MRTFB: variants seen among roughly 807,000 people sequenced by gnomAD.
MRTFB encodes the protein myocardin-related transcription factor B.
Under a neutral mutation model 104.2 loss-of-function variants are expected in MRTFB, and 29 were observed. That is an observed-to-expected ratio of 0.28 (90% CI 0.21 to 0.38). The LOEUF (loss-of-function observed/expected upper bound fraction) is 0.38. MRTFB is among the 10% of genes least tolerant of loss of function. MRTFB has a pLI of 1.00. For missense variants in MRTFB, 1,270 were observed against 1,341.6 expected (o/e 0.95, Z 0.83); for synonymous variants, 535 against 519.5 (o/e 1.03, Z -0.41).
At chr16:14,136,068 C>T (rs910583213) in intron 2 of MRTFB, among the ~76,000 whole-genome samples, 3 of 151,960 alleles carry the variant, frequency 2.0e-5, no homozygotes, top group Non-Finnish European at 1.5e-5. Context: ...GTCAGGAGTT[C>T]GAGACAAGCC....
At chr16:14,034,900 G>A in the MRTFB span, among the ~76,000 whole-genome samples, 212 of 152,214 alleles carry the variant, frequency 1.4e-3, 1 homozygote, top group African/African-American at 5.0e-3. Context: ...ACCACCCCAG[G>A]CCTGCAGCCA....
the MRTFB span, among the ~76,000 whole-genome samples, chr16:14,016,285 C>T: frequency 4.0e-5 from 6 of 151,710 alleles, no homozygotes; most frequent in African/African-American, 1.5e-4. Context: ...ACCAATAACA[C>T]CTAGAAGACC....
chr16:14,253,700 G>A lies in MRTFB; in HGVS notation c.2703+1198G>A, dbSNP rs73518955. On this transcript the variant is annotated intron_variant, in intron 15 of 16. Coordinates refer to ENST00000571589, the MANE Select transcript of MRTFB (RefSeq NM_001308142.2). ...GGACATCCAGGGATGCTCAGGGCCC[G>A]TAGGGGGCTGCCTCTTGGAGGAAGT... Among the ~76,000 whole-genome samples, 1,366 of 152,302 alleles carry A rather than the reference G, an allele frequency of 9.0e-3. 20 individuals carry two copies. Among genetic ancestry groups the A allele is most frequent in the African/African-American group, 0.031 (1,286 of 41,568 alleles).
rs569088492 is a variant in MRTFB at position 14,088,377 on chromosome 16, A to G, written c.-64+9023A>G. 9.2e-5 allele frequency among the ~76,000 whole-genome samples: 14 copies of G among 152,316 alleles called. No homozygotes were observed. The South Asian group carries it at 2.9e-3, about 32-fold the overall frequency. On this transcript the variant is annotated intron_variant, in intron 2 of 16. Transcript: ENST00000571589. ...GAAATCAGGACTTGGGCATGCAGCT[A>G]GTAGGTTAAAAACAAAACAAAACTG...
At chr16:14,096,614 G>A (rs568131996) in intron 2 of MRTFB, among the ~76,000 whole-genome samples, 3 of 152,200 alleles carry the variant, frequency 2.0e-5, no homozygotes, top group Non-Finnish European at 4.4e-5. Context: ...GGCAAGAGAT[G>A]TGGACCTTTG....
intron 16 of MRTFB, 106 bp from the exon 17 acceptor site, chr16:14,260,803 C>A: frequency 1.1e-6 from 1 of 914,352 alleles, no homozygotes; most frequent in Non-Finnish European, 1.6e-6. Flanking sequence ...GACGGACGTG[C>A]ATAGAAGGAA....
intron 3 of MRTFB, among the ~76,000 whole-genome samples, chr16:14,154,026 A>G (rs1289061853): frequency 2.6e-5 from 4 of 152,188 alleles, no homozygotes; most frequent in South Asian, 2.1e-4. Flanking sequence ...ACCCATCTGC[A>G]TCTTTATATT....
chr16:14,249,149 A>C (rs2043148730), intron 13 of MRTFB, 68 bp downstream of exon 13: 1 of 1,550,846 alleles, frequency 6.4e-7, no homozygotes, highest in African/African-American at 1.4e-5. Context: ...CCATTCAACA[A>C]GCATCTTTGT....
the MRTFB span, among the ~76,000 whole-genome samples, chr16:13,996,557 G>C: frequency 6.6e-6 from 1 of 152,204 alleles, no homozygotes; most frequent in African/African-American, 2.4e-5. Context: ...CACAGGACTG[G>C]GTGACAAAAT....
chr16:14,191,248 A>C (rs981781358), intron 3 of MRTFB, among the ~76,000 whole-genome samples: 1 of 152,222 alleles, frequency 6.6e-6, no homozygotes, highest in African/African-American at 2.4e-5. Flanking sequence ...CAGCAGCCAC[A>C]TGTGGCTAGT....
chr16:14,079,254 C>T, intron 1 of MRTFB, 36 bp from the exon 2 acceptor site: 2 of 341,466 alleles, frequency 5.9e-6, no homozygotes, highest in Non-Finnish European at 1.1e-5. Flanking sequence ...GTAGTAGGTG[C>T]TCAATAAAAA....
At position 14,127,666 on chromosome 16, in the gene MRTFB, A is replaced by C. The variant is rs533956703; in HGVS notation, c.-63-12878A>C. Among the ~76,000 whole-genome samples the C allele has an allele frequency of 2.4e-4, 36 of 149,534 alleles. 2 individuals are homozygous for C. The East Asian group carries it at 2.7e-3, about 11-fold the overall frequency. ...TCAAAAAAAAAAAAAAAAAATAATG[A>C]CGAAAATCCCCTCTAGCCTTGGCCA... On this transcript the variant is annotated intron_variant, in intron 2 of 16. Coordinates refer to ENST00000571589, the MANE Select transcript of MRTFB (RefSeq NM_001308142.2).
At chr16:14,108,719 A>G (rs1442323234) in intron 2 of MRTFB, among the ~76,000 whole-genome samples, 3 of 152,226 alleles carry the variant, frequency 2.0e-5, no homozygotes, top group Admixed American at 1.3e-4. Context: ...ATAGAAAATA[A>G]TTATTAGAGT....
chr16:14,196,290 G>C (rs559757523), intron 3 of MRTFB, among the ~76,000 whole-genome samples: 2 of 152,280 alleles, frequency 1.3e-5, no homozygotes, highest in South Asian at 4.1e-4. Context: ...GCAGATTATC[G>C]TAGGAAACCT....
chr16:14,102,083 A>C (rs755740601), intron 2 of MRTFB, among the ~76,000 whole-genome samples: 1 of 152,186 alleles, frequency 6.6e-6, no homozygotes, highest in African/African-American at 2.4e-5. Context: ...TCAAATGGCC[A>C]TGAGGGCAGA....
chr16:14,220,526 A>C (rs866962672), intron 8 of MRTFB, among the ~76,000 whole-genome samples: 2 of 152,194 alleles, frequency 1.3e-5, no homozygotes, highest in Admixed American at 1.3e-4. Context: ...CGTGGTCTCC[A>C]GCTAAGTTTT....
the MRTFB span, among the ~76,000 whole-genome samples, chr16:14,014,886 A>C: frequency 1.3e-5 from 2 of 151,916 alleles, no homozygotes; most frequent in South Asian, 4.2e-4. Context: ...AAAAAATAAA[A>C]AACTCTCAGT....
intron 12 of MRTFB, 29 bp from the exon 13 acceptor site, chr16:14,248,897 A>G: frequency 1.9e-6 from 3 of 1,608,516 alleles, no homozygotes; most frequent in Middle Eastern, 3.3e-4. Flanking sequence ...TGACAATTAA[A>G]TTGATGTTTT....
the MRTFB span, among the ~76,000 whole-genome samples, chr16:14,003,233 T>C: frequency 6.6e-6 from 1 of 152,216 alleles, no homozygotes; most frequent in Non-Finnish European, 1.5e-5. Context: ...CACAACAAGA[T>C]GAGCAAGTGT....
Sources: gnomAD v4.1 joint callset for allele counts (sites outside exome capture counted in the v4.1 genomes callset) on GRCh38, gnomAD v4.1.1 for gene constraint, MANE v1.5 for transcripts, NCBI Gene and HGNC (gene_info 2026-07-23, HGNC 2026-07-21) for gene names.